Variants in ETS1 observed in about 807,000 individuals in gnomAD.
ETS1 encodes the protein protein C-ets-1.
Under a neutral mutation model 58.6 loss-of-function variants are expected in ETS1, and 15 were observed. The observed-to-expected ratio is 0.26, with a 90% confidence interval of 0.17 to 0.39. The LOEUF (loss-of-function observed/expected upper bound fraction) is 0.39, where lower values mean the gene tolerates loss of function less well. ETS1 is among the 10% of genes least tolerant of loss of function. The pLI is 1.00. For synonymous variants in ETS1, 214 were observed against 218.2 expected (o/e 0.98, Z 0.17); for missense variants, 417 against 610.5 (o/e 0.68, Z 3.34).
At chr11:128,543,002 G>A (rs910684380) in intron 3 of ETS1, among the ~76,000 whole-genome samples, 6 of 151,942 alleles carry the variant, frequency 3.9e-5, no homozygotes, top group Admixed American at 2.0e-4. Flanking sequence ...GTGAAAACCC[G>A]TCTCTACTAA....
intron 8 of ETS1, among the ~76,000 whole-genome samples, chr11:128,466,643 C>T (rs1565364977): frequency 6.6e-6 from 1 of 152,082 alleles, no homozygotes; most frequent in South Asian, 2.1e-4. Context: ...GAGTCTGGGA[C>T]AGGGTGAGTA....
rs1861972717 is a variant in ETS1 at position 128,464,175 on chromosome 11, T to A, written c.1124-548A>T. 6.6e-6 allele frequency among the ~76,000 whole-genome samples: 1 copy of A among 150,482 alleles called. No homozygotes were observed. Among genetic ancestry groups the A allele is most frequent in the Admixed American group, 6.6e-5 (1 of 15,098 alleles). ...TAGATGTTAAATATCTGTTCAGTCATAATATTTCTCTCCACTGCCACCACC... is the reference window on the plus strand; with the variant it reads ...TAGATGTTAAATATCTGTTCAGTCAAAATATTTCTCTCCACTGCCACCACC... On this transcript the variant is annotated intron_variant, in intron 8 of 9. Transcript: ENST00000392668. This position sits in a 1 kb window ranked among gnomAD's most constrained non-coding sequence, Gnocchi z 4.1.
intron 8 of ETS1, among the ~76,000 whole-genome samples, chr11:128,467,007 C>G (rs1199660075): frequency 6.6e-6 from 1 of 152,200 alleles, no homozygotes; most frequent in Non-Finnish European, 1.5e-5. Flanking sequence ...AGAAAGCCCA[C>G]ATTTTTGTAC....
rs1193366816 is a variant in ETS1, at chr11:128,460,844, C to A, written c.*1517G>T. The A allele has an allele frequency of 6.6e-6, 1 of 152,338 alleles. No homozygotes were observed. The highest frequency in any genetic ancestry group is 1.9e-4 in the East Asian group (1 of 5,330). The allele number at this position is 152,338 out of a possible 1,614,324, so 9.4% of individuals were successfully genotyped here. On this transcript the variant is annotated 3_prime_UTR_variant, in exon 10 of 10. Coordinates refer to ENST00000392668, the MANE Select transcript of ETS1 (RefSeq NM_001143820.2). Reference sequence around the variant, plus strand: ...GTCATTCCTCTCTTCTGGAATTAACCTTCACTTACCCTGTGCCAAGACATC... The same window carrying A: ...GTCATTCCTCTCTTCTGGAATTAACATTCACTTACCCTGTGCCAAGACATC...
At chr11:128,483,076 C>T (rs1862534177) in intron 7 of ETS1, among the ~76,000 whole-genome samples, 1 of 152,198 alleles carries the variant, frequency 6.6e-6, no homozygotes, top group African/African-American at 2.4e-5. Flanking sequence ...TTTGCATAGG[C>T]CCTGTTTGCA....
At chr11:128,474,340 A>G (rs968231118) in intron 8 of ETS1, among the ~76,000 whole-genome samples, 11 of 152,228 alleles carry the variant, frequency 7.2e-5, no homozygotes, top group Admixed American at 6.5e-5. Flanking sequence ...TTTGAAAGCC[A>G]TGACAGAAAT....
intron 3 of ETS1, among the ~76,000 whole-genome samples, chr11:128,555,900 CAG>C (rs1208694972): frequency 2.0e-5 from 3 of 152,186 alleles, no homozygotes; most frequent in Non-Finnish European, 4.4e-5. Context: ...ACAATGGAAA[CAG>C]ATGATCATCG....
chr11:128,473,274 C>T (rs1168175166), intron 8 of ETS1, among the ~76,000 whole-genome samples: 3 of 152,142 alleles, frequency 2.0e-5, no homozygotes, highest in Admixed American at 6.5e-5. Context: ...TGCGTTGTTC[C>T]CTGGCCTCAA....
At chr11:128,516,747 C>A (rs12291366) in intron 3 of ETS1, among the ~76,000 whole-genome samples, 1 of 152,056 alleles carries the variant, frequency 6.6e-6, no homozygotes, top group East Asian at 1.9e-4. Context: ...GGGGAAAAAA[C>A]GAAATTTATA....
At chr11:128,539,548 T>G (rs1189283021) in intron 3 of ETS1, among the ~76,000 whole-genome samples, 1 of 152,184 alleles carries the variant, frequency 6.6e-6, no homozygotes, top group Non-Finnish European at 1.5e-5. Context: ...ACATTGCTAG[T>G]AGGAATGTAA....
chr11:128,488,554 G>A (rs769509979), intron 5 of ETS1, among the ~76,000 whole-genome samples: 9 of 152,076 alleles, frequency 5.9e-5, no homozygotes, highest in Non-Finnish European at 1.3e-4. Flanking sequence ...CAGCTGAAGG[G>A]CACTGCTGAC....
At chr11:128,563,783 C>T (rs144055438) in intron 2 of ETS1, among the ~76,000 whole-genome samples, 3 of 152,312 alleles carry the variant, frequency 2.0e-5, no homozygotes, top group Non-Finnish European at 4.4e-5. Context: ...CACCATCTGC[C>T]CCACATTTCA....
At chr11:128,547,741 G>T (rs1206283846) in intron 3 of ETS1, among the ~76,000 whole-genome samples, 1 of 152,066 alleles carries the variant, frequency 6.6e-6, no homozygotes, top group Non-Finnish European at 1.5e-5. Flanking sequence ...AGGTCATGAG[G>T]AATCTAACTA....
At chr11:128,469,823 G>A (rs1304817507) in intron 8 of ETS1, among the ~76,000 whole-genome samples, 2 of 152,144 alleles carry the variant, frequency 1.3e-5, no homozygotes, top group Non-Finnish European at 2.9e-5. Flanking sequence ...CTTCTGAGTT[G>A]TATATTTTCT....
intron 7 of ETS1, among the ~76,000 whole-genome samples, chr11:128,483,491 CT>C (rs1862544829): frequency 1.3e-5 from 2 of 152,180 alleles, no homozygotes; most frequent in South Asian, 4.1e-4. Context: ...TGTACACACA[CT>C]TGTGTGTATG....
chr11:128,475,831 G>A lies in ETS1; in HGVS notation c.1123+4360C>T, dbSNP rs188511754. On this transcript the variant is annotated intron_variant, in intron 8 of 9. Coordinates refer to ENST00000392668, the MANE Select transcript of ETS1 (RefSeq NM_001143820.2). ...CTCCCAAAGTGCTGGGATTACAGGC[G>A]TGAGCCACCGCACCCGGCCCGGGGC... Among the ~76,000 whole-genome samples, 709 of 152,066 alleles carry A rather than the reference G, an allele frequency of 4.7e-3. 14 individuals are homozygous for A. Among genetic ancestry groups the A allele is most frequent in the African/African-American group, 0.017 (685 of 41,444 alleles).
intron 2 of ETS1, among the ~76,000 whole-genome samples, chr11:128,563,466 G>C (rs1215977880): frequency 6.6e-6 from 1 of 152,192 alleles, no homozygotes; most frequent in Non-Finnish European, 1.5e-5. Flanking sequence ...AAGGAGCTGT[G>C]TAACCTCTGG....
chr11:128,576,387 A>G (rs1864749365), intron 1 of ETS1, among the ~76,000 whole-genome samples: 1 of 152,134 alleles, frequency 6.6e-6, no homozygotes, highest in Admixed American at 6.5e-5. Context: ...TTTTGGCAAA[A>G]GAGAATTCCC....
At chr11:128,483,249 AG>A (rs1862537830) in intron 7 of ETS1, among the ~76,000 whole-genome samples, 4 of 152,270 alleles carry the variant, frequency 2.6e-5, no homozygotes, top group Admixed American at 2.6e-4. Flanking sequence ...TTGGGGTTGG[AG>A]GGGTGGTAGG....
Sources: allele counts gnomAD v4.1 joint callset (sites outside exome capture counted in the v4.1 genomes callset), GRCh38; gene constraint gnomAD v4.1.1; non-coding constraint Gnocchi (gnomAD v3.1); transcripts MANE v1.5; gene names NCBI Gene and HGNC (gene_info 2026-07-23, HGNC 2026-07-21).